CPNE8: variants seen among roughly 807,000 people sequenced by gnomAD.
CPNE8 encodes the protein copine 8.
Under a neutral mutation model 81.5 loss-of-function variants are expected in CPNE8, and 45 were observed. The observed-to-expected ratio is 0.55, with a 90% CI of 0.44 to 0.71. The LOEUF (loss-of-function observed/expected upper bound fraction) is 0.71. Among genes scored for constraint, CPNE8 ranks in the 30% least tolerant of loss-of-function variants. CPNE8 has a pLI of 0.00. For missense variants in CPNE8, 594 were observed against 672.1 expected, an observed-to-expected ratio of 0.88 and a Z score of 1.28; for synonymous variants, 252 against 226.3, an observed-to-expected ratio of 1.11 and a Z score of -1.02.
intron 18 of CPNE8, among the ~76,000 whole-genome samples, chr12:38,671,318 C>A (rs921921138): frequency 1.3e-5 from 2 of 152,034 alleles, no homozygotes; most frequent in East Asian, 3.9e-4. Context: ...CTGATTTTTA[C>A]TTTACAAATA....
intron 10 of CPNE8, among the ~76,000 whole-genome samples, chr12:38,753,624 A>G (rs1009192853): frequency 6.6e-6 from 1 of 152,212 alleles, no homozygotes; most frequent in Non-Finnish European, 1.5e-5. Context: ...CAGGTAGTTT[A>G]TAATTACAGA....
chr12:38,781,963 T>A (rs920991178), intron 6 of CPNE8, among the ~76,000 whole-genome samples: 1 of 152,030 alleles, frequency 6.6e-6, no homozygotes, highest in African/African-American at 2.4e-5. Flanking sequence ...CAAAAGAAAG[T>A]GTACATCCTG....
chr12:38,691,202 T>C (rs1460250043), intron 15 of CPNE8, among the ~76,000 whole-genome samples: 1 of 152,158 alleles, frequency 6.6e-6, no homozygotes, highest in Non-Finnish European at 1.5e-5. Context: ...GTTAAGAGCA[T>C]GAATTCTAAA....
chr12:38,826,054 T>G (rs919817583), intron 6 of CPNE8, among the ~76,000 whole-genome samples: 2 of 152,228 alleles, frequency 1.3e-5, no homozygotes, highest in Non-Finnish European at 2.9e-5. Context: ...TTCTTTGCTT[T>G]TTTCTTTTGT....
Position 38,748,504 on chromosome 12 carries a change from T to C in CPNE8, c.722+12343A>G, listed in dbSNP as rs1050478984. On this transcript the variant is annotated intron_variant, in intron 10 of 19. Transcript: ENST00000331366. ...GATAAAAGTCGTAATAGTATTTTTT[T>C]TTTCTTTCTTTTCTGAGACGGAGTC... 4.0e-5 allele frequency among the ~76,000 whole-genome samples: 6 copies of C among 151,502 alleles called. No individual in the cohort carries two copies. The East Asian group carries it at 5.9e-4, about 15-fold the overall frequency.
chr12:38,707,212 G>A (rs1940130313), intron 13 of CPNE8, among the ~76,000 whole-genome samples: 1 of 152,112 alleles, frequency 6.6e-6, no homozygotes, highest in Non-Finnish European at 1.5e-5. Flanking sequence ...TACTTAGGAG[G>A]CTGAGGTGTG....
intron 6 of CPNE8, among the ~76,000 whole-genome samples, chr12:38,776,665 A>T (rs1592079087): frequency 6.6e-6 from 1 of 152,192 alleles, no homozygotes; most frequent in South Asian, 2.1e-4. Flanking sequence ...TCTCCTCAAG[A>T]ATCTTCAATA....
At position 38,872,914 on chromosome 12, in the gene CPNE8, C is replaced by T; in HGVS notation, c.186+90G>A. On this transcript the variant is annotated intron_variant, in intron 3 of 19. Transcript: ENST00000331366. ...CAATCTTTGGGTTCAAAAGGACTTA[C>T]AATGGAAAATAGAAAGTATCATCTT... 3 of 764,326 alleles carry T rather than the reference C, an allele frequency of 3.9e-6. No individual in the cohort carries two copies. The South Asian group carries it at 4.9e-5, about 13-fold the overall frequency. 47.3% of individuals were successfully genotyped at this position (764,326 alleles called of 1,614,324 possible).
intron 6 of CPNE8, among the ~76,000 whole-genome samples, chr12:38,810,794 G>C (rs1186240462): frequency 6.6e-6 from 1 of 152,090 alleles, no homozygotes; most frequent in Non-Finnish European, 1.5e-5. Flanking sequence ...GGATCTGAGA[G>C]AGACTTCACT....
intron 4 of CPNE8, among the ~76,000 whole-genome samples, chr12:38,845,714 C>A (rs1943547332): frequency 6.6e-6 from 1 of 151,862 alleles, no homozygotes; most frequent in Non-Finnish European, 1.5e-5. Flanking sequence ...TAAGCCTGTT[C>A]TTTCAGGTTA....
At chr12:38,835,651 T>C (rs896399350) in intron 5 of CPNE8, among the ~76,000 whole-genome samples, 2 of 152,208 alleles carry the variant, frequency 1.3e-5, no homozygotes, top group African/African-American at 2.4e-5. Flanking sequence ...AAATTAGCTT[T>C]ATACTCTAAT....
chr12:38,739,991 G>T (rs905581544), intron 10 of CPNE8, among the ~76,000 whole-genome samples: 2 of 152,098 alleles, frequency 1.3e-5, no homozygotes, highest in Non-Finnish European at 2.9e-5. Flanking sequence ...CCAGGGATAT[G>T]TTTAGATAAT....
chr12:38,704,835 T>A, intron 13 of CPNE8, among the ~76,000 whole-genome samples: 1 of 20,214 alleles, frequency 4.9e-5, no homozygotes, highest in African/African-American at 9.0e-5. Context: ...TGTATATATA[T>A]ATATATATAT....
At chr12:38,691,067 A>G (rs1252046630) in intron 15 of CPNE8, among the ~76,000 whole-genome samples, 1 of 152,226 alleles carries the variant, frequency 6.6e-6, no homozygotes. Flanking sequence ...TCCTCTTAAA[A>G]CATTTGAGAA....
At chr12:38,826,586 T>A (rs938836604) in intron 6 of CPNE8, among the ~76,000 whole-genome samples, 1 of 152,202 alleles carries the variant, frequency 6.6e-6, no homozygotes, top group African/African-American at 2.4e-5. Context: ...CCTAGGTATC[T>A]TCACCTCTTA....
chr12:38,740,232 T>G (rs1175538884), intron 10 of CPNE8, among the ~76,000 whole-genome samples: 2 of 152,054 alleles, frequency 1.3e-5, no homozygotes, highest in Non-Finnish European at 2.9e-5. Context: ...TGCTTGTGAT[T>G]TTTGCACATT....
chr12:38,746,431 A>G (rs879548178), intron 10 of CPNE8, among the ~76,000 whole-genome samples: 11 of 152,186 alleles, frequency 7.2e-5, no homozygotes, highest in Non-Finnish European at 1.6e-4. Context: ...AATTTTTTCC[A>G]AAGCTACAAA....
intron 18 of CPNE8, among the ~76,000 whole-genome samples, chr12:38,672,837 C>T (rs932322370): frequency 1.3e-5 from 2 of 152,106 alleles, no homozygotes; most frequent in Non-Finnish European, 2.9e-5. Context: ...ATTTCCTGTA[C>T]CTTCAAAGGA....
intron 6 of CPNE8, among the ~76,000 whole-genome samples, chr12:38,828,823 T>C (rs899451516): frequency 6.6e-6 from 1 of 152,154 alleles, no homozygotes; most frequent in Non-Finnish European, 1.5e-5. Flanking sequence ...CCCTGCCTTA[T>C]TTGGAACTGG....
Sources: gnomAD v4.1 joint callset for allele counts (sites outside exome capture counted in the v4.1 genomes callset) on GRCh38, gnomAD v4.1.1 for gene constraint, MANE v1.5 for transcripts, NCBI Gene and HGNC (gene_info 2026-07-23, HGNC 2026-07-21) for gene names.